KCNIP1: variants seen among roughly 807,000 people sequenced by gnomAD.
KCNIP1 encodes A-type potassium channel modulatory protein KCNIP1.
A neutral mutation model predicts 33.0 loss-of-function variants in KCNIP1; 18 were observed. The ratio of observed to expected loss-of-function variants is 0.55; its 90% CI spans 0.38 to 0.81. The LOEUF (loss-of-function observed/expected upper bound fraction) is 0.81, where lower values mean the gene tolerates loss of function less well. Among genes scored for constraint, KCNIP1 ranks in the 30% least tolerant of loss-of-function variants. KCNIP1 has a pLI of 0.00. For synonymous variants in KCNIP1, 93 were observed against 98.3 expected (o/e 0.95, Z 0.32); for missense variants, 238 against 271.6 (o/e 0.88, Z 0.87).
At chr5:170,566,173 G>A (rs188787579) in intron 1 of KCNIP1, among the ~76,000 whole-genome samples, 1 of 151,968 alleles carries the variant, frequency 6.6e-6, no homozygotes, top group East Asian at 1.9e-4. Context: ...CGATTCTCCC[G>A]CCTCAGCCTC....
chr5:170,377,729 C>G (rs932009554), intron 1 of KCNIP1: 3 of 152,208 alleles, frequency 2.0e-5, no homozygotes, highest in African/African-American at 7.2e-5. Context: ...CCCACCACCA[C>G]GCCTGGCTAA....
intron 1 of KCNIP1, among the ~76,000 whole-genome samples, chr5:170,472,285 C>T (rs1756747488): frequency 2.0e-5 from 3 of 152,182 alleles, no homozygotes; most frequent in Admixed American, 2.0e-4. Flanking sequence ...TGAGAGGCCT[C>T]CCCAGGCAGA....
intron 1 of KCNIP1, among the ~76,000 whole-genome samples, chr5:170,656,025 C>T (rs1196552159): frequency 6.6e-6 from 1 of 152,206 alleles, no homozygotes; most frequent in African/African-American, 2.4e-5. Flanking sequence ...TACTGACCTT[C>T]CTCGTACTCC....
intron 1 of KCNIP1, chr5:170,383,989 A>T (rs1764364273): frequency 2.4e-6 from 2 of 822,256 alleles, no homozygotes; most frequent in Admixed American, 5.1e-5. Context: ...AGCATCCAGC[A>T]ATAAAGGCAC....
At chr5:170,534,510 A>G (rs1251262977) in intron 1 of KCNIP1, among the ~76,000 whole-genome samples, 3 of 88,262 alleles carry the variant, frequency 3.4e-5, no homozygotes, top group Admixed American at 1.8e-4. Flanking sequence ...GAAGGAGGAG[A>G]AGGAGAAGAA....
intron 1 of KCNIP1, among the ~76,000 whole-genome samples, chr5:170,660,851 G>A (rs529363345): frequency 1.3e-4 from 20 of 152,356 alleles, no homozygotes; most frequent in Admixed American, 2.0e-4. Flanking sequence ...AGGAGCCAGC[G>A]TGGGCTTGCT....
At chr5:170,621,981 C>G (rs908082352) in intron 1 of KCNIP1, among the ~76,000 whole-genome samples, 3 of 152,164 alleles carry the variant, frequency 2.0e-5, no homozygotes, top group Non-Finnish European at 2.9e-5. Flanking sequence ...AGTCCCAGTT[C>G]CCCTTGCAAG....
At chr5:170,372,677 T>C (rs537154587) in intron 1 of KCNIP1, among the ~76,000 whole-genome samples, 1 of 152,208 alleles carries the variant, frequency 6.6e-6, no homozygotes, top group East Asian at 1.9e-4. Context: ...AAATATAAAG[T>C]GGAGAAGCAC....
chr5:170,563,248 GC>G (rs1757096048), intron 1 of KCNIP1, among the ~76,000 whole-genome samples: 1 of 152,184 alleles, frequency 6.6e-6, no homozygotes, highest in African/African-American at 2.4e-5. Context: ...ACCCTGCCCA[GC>G]CCTGCAGGCC....
intron 1 of KCNIP1, among the ~76,000 whole-genome samples, chr5:170,356,662 C>T (rs543326651): frequency 1.3e-5 from 2 of 152,352 alleles, no homozygotes; most frequent in South Asian, 4.1e-4. Flanking sequence ...TAGACTTCAG[C>T]TCCATCATGG....
chr5:170,384,462 TAA>T (rs1214924627), intron 1 of KCNIP1, among the ~76,000 whole-genome samples: 2 of 152,100 alleles, frequency 1.3e-5, no homozygotes, highest in Non-Finnish European at 2.9e-5. Flanking sequence ...TTCACCAGAT[TAA>T]GAGTCCAGCC....
At chr5:170,503,419 A>G (rs968491384), upstream of KCNIP1, among the ~76,000 whole-genome samples, 2 of 151,228 alleles carry the variant, frequency 1.3e-5, no homozygotes, top group Non-Finnish European at 3.0e-5. Context: ...AGAAAAAGAA[A>G]AATGAGAGTG....
chr5:170,505,060 C>A (rs1754661083), intron 1 of KCNIP1, among the ~76,000 whole-genome samples: 1 of 152,180 alleles, frequency 6.6e-6, no homozygotes, highest in Admixed American at 6.5e-5. Context: ...CAGGTGCAGA[C>A]CTGCGAGTCC....
intron 1 of KCNIP1, among the ~76,000 whole-genome samples, chr5:170,688,870 G>A (rs1417194293): frequency 1.3e-5 from 2 of 151,998 alleles, no homozygotes; most frequent in Admixed American, 1.3e-4. Context: ...CACTACCTGT[G>A]TTGTGGTCAT....
intron 1 of KCNIP1, among the ~76,000 whole-genome samples, chr5:170,632,014 G>A (rs572828801): frequency 7.9e-5 from 12 of 152,324 alleles, no homozygotes; most frequent in East Asian, 3.9e-4. Flanking sequence ...GCCACAGACA[G>A]GGGGAGCTAA....
At chr5:170,383,198 C>G (rs1404059675) in intron 1 of KCNIP1, 2 of 252,152 alleles carry the variant, frequency 7.9e-6, no homozygotes, top group Non-Finnish European at 1.5e-5. Flanking sequence ...GGAGGTTACT[C>G]CAGCCCTGAG....
intron 1 of KCNIP1, among the ~76,000 whole-genome samples, chr5:170,514,234 G>T (rs181512333): frequency 4.6e-5 from 7 of 152,330 alleles, no homozygotes; most frequent in African/African-American, 1.7e-4. Context: ...GGGATGTTCT[G>T]GTGGAGACCA....
At chr5:170,431,453 G>T (rs2113447063) in intron 1 of KCNIP1, among the ~76,000 whole-genome samples, 1 of 152,338 alleles carries the variant, frequency 6.6e-6, no homozygotes, top group East Asian at 1.9e-4. Flanking sequence ...TTAGGTGGTG[G>T]TGAGAAAATG....
At chr5:170,590,412 T>G (rs1350143522) in intron 1 of KCNIP1, among the ~76,000 whole-genome samples, 1 of 151,648 alleles carries the variant, frequency 6.6e-6, no homozygotes, top group African/African-American at 2.4e-5. Flanking sequence ...GAGAAGTGAG[T>G]CTGGAGGTGG....
Sources: allele counts gnomAD v4.1 joint callset (sites outside exome capture counted in the v4.1 genomes callset), GRCh38; gene constraint gnomAD v4.1.1; transcripts MANE v1.5; gene names NCBI Gene and HGNC (gene_info 2026-07-23, HGNC 2026-07-21).